Variants in KCNN2 observed in about 807,000 individuals in gnomAD.
KCNN2 encodes small conductance calcium-activated potassium channel protein 2.
KCNN2 carries 24 observed loss-of-function variants against 55.5 expected under a neutral mutation model. The ratio of observed to expected loss-of-function variants is 0.43; its 90% CI spans 0.31 to 0.61. The LOEUF is 0.61. KCNN2 is among the 20% of genes least tolerant of loss of function. The pLI, the probability that KCNN2 is intolerant of heterozygous loss-of-function variation, is 0.08. For synonymous variants in KCNN2, 431 were observed against 336.1 expected (o/e 1.28, Z -3.09); for missense variants, 754 against 853.6 (o/e 0.88, Z 1.45).
chr5:114,292,467 G>T (rs972786638), intron 2 of KCNN2, among the ~76,000 whole-genome samples: 1 of 152,154 alleles, frequency 6.6e-6, no homozygotes, highest in African/African-American at 2.4e-5. Flanking sequence ...CCCATTGCTT[G>T]TTTTTGCCAG....
chr5:114,095,768 G>A (rs1751242472), intron 1 of KCNN2, among the ~76,000 whole-genome samples: 3 of 152,080 alleles, frequency 2.0e-5, no homozygotes, highest in Non-Finnish European at 4.4e-5. Context: ...CCCTGCTGTA[G>A]TCTACTTGCC....
intron 3 of KCNN2, among the ~76,000 whole-genome samples, chr5:114,425,076 A>G (rs952096110): frequency 1.3e-5 from 2 of 152,228 alleles, no homozygotes; most frequent in Admixed American, 1.3e-4. Flanking sequence ...CTGTGAAATG[A>G]AAGATAAAGT....
Position 114,371,752 on chromosome 5 carries a change from T to C in KCNN2, c.1218+7751T>C, listed in dbSNP as rs1018212110. Among the ~76,000 whole-genome samples the C allele has an allele frequency of 4.6e-5, 7 of 152,294 alleles. No homozygotes were observed. The East Asian group carries it at 1.4e-3, about 29-fold the overall frequency. Reference sequence around the variant, plus strand: ...TTCTTTGAATATTCCTTCTCAGACATTGAATGTCCCTGATCACATCCTTCT... The same window carrying C: ...TTCTTTGAATATTCCTTCTCAGACACTGAATGTCCCTGATCACATCCTTCT... On this transcript the variant is annotated intron_variant, in intron 2 of 7. Transcript: ENST00000673685.
intron 2 of KCNN2, among the ~76,000 whole-genome samples, chr5:114,390,425 T>C (rs1432510234): frequency 2.0e-5 from 3 of 152,200 alleles, no homozygotes; most frequent in African/African-American, 7.2e-5. Flanking sequence ...ATCAGTGATG[T>C]CAGTCTTTGT....
rs910202750 is a variant in KCNN2, at chr5:114,381,064, G to A, written c.1218+17063G>A. On this transcript the variant is annotated intron_variant, in intron 2 of 7. Transcript: ENST00000673685. ...CAGCCCTCCTTGTTCCTTCTCCTTG[G>A]TTCACGAAAAGCTAATTAAGAATGT... Among the ~76,000 whole-genome samples the A allele has an allele frequency of 4.6e-5, 7 of 152,214 alleles. No individual in the cohort carries two copies. The East Asian group carries it at 1.2e-3, about 25-fold the overall frequency.
At chr5:114,391,321 T>TA (rs1424049869) in intron 2 of KCNN2, among the ~76,000 whole-genome samples, 1 of 152,174 alleles carries the variant, frequency 6.6e-6, no homozygotes, top group Non-Finnish European at 1.5e-5. Context: ...TGGTCACTTT[T>TA]ACTAGGGACA....
At chr5:114,270,460 A>G (rs1052673750) in intron 2 of KCNN2, among the ~76,000 whole-genome samples, 6 of 152,202 alleles carry the variant, frequency 3.9e-5, no homozygotes, top group African/African-American at 1.2e-4. Flanking sequence ...GAAATGCAAG[A>G]ATATGGTAAT....
intron 1 of KCNN2, among the ~76,000 whole-genome samples, chr5:114,141,770 C>T (rs1752286833): frequency 6.6e-6 from 1 of 152,192 alleles, no homozygotes. Context: ...GTTCCTGTTT[C>T]TCCACATCCT....
intron 1 of KCNN2, among the ~76,000 whole-genome samples, chr5:114,125,459 GC>G (rs1477087937): frequency 6.6e-6 from 1 of 152,132 alleles, no homozygotes; most frequent in Non-Finnish European, 1.5e-5. Context: ...AGGGAGTGTT[GC>G]TCCCATGTAT....
At chr5:114,361,964 G>T (rs1757434823), upstream of KCNN2, 1 of 153,192 alleles carries the variant, frequency 6.5e-6, no homozygotes, top group South Asian at 2.1e-4. Context: ...GTCCCCGCAG[G>T]TGATGTCATG....
At chr5:114,273,599 G>A (rs199969920) in intron 2 of KCNN2, among the ~76,000 whole-genome samples, 3 of 152,182 alleles carry the variant, frequency 2.0e-5, no homozygotes, top group East Asian at 3.9e-4. Flanking sequence ...TTTCTCTAAT[G>A]ACCAGTGATG....
At chr5:114,343,156 G>A (rs1434749054) in intron 2 of KCNN2, among the ~76,000 whole-genome samples, 2 of 152,156 alleles carry the variant, frequency 1.3e-5, no homozygotes, top group Non-Finnish European at 2.9e-5. Context: ...CTTTTGATAT[G>A]TAGTGGGTCA....
At chr5:114,167,822 CA>C (rs1223460153) in intron 1 of KCNN2, among the ~76,000 whole-genome samples, 1 of 152,122 alleles carries the variant, frequency 6.6e-6, no homozygotes, top group Non-Finnish European at 1.5e-5. Context: ...TGCCCATTTG[CA>C]GCCCATCCCA....
At chr5:114,244,603 T>TG (rs1754714845) in intron 2 of KCNN2, among the ~76,000 whole-genome samples, 1 of 119,342 alleles carries the variant, frequency 8.4e-6, no homozygotes, top group East Asian at 2.3e-4. Flanking sequence ...GGGGCGGGCA[T>TG]GGGGGGTTAT....
In KCNN2 at chr5:114,465,381, G is replaced by A. The variant is rs866707632; in HGVS notation, c.1779+2191G>A. On this transcript the variant is annotated intron_variant, in intron 4 of 7. Coordinates refer to ENST00000673685, the MANE Select transcript of KCNN2 (RefSeq NM_021614.4). ...TAATCCCAACACTTTGGGAGGCCGA[G>A]GCAGGTGGATCACCTGAGGTTGGGA... 9.2e-5 allele frequency among the ~76,000 whole-genome samples: 14 copies of A among 152,266 alleles called. No homozygotes were observed. In the East Asian group the frequency reaches 2.7e-3, roughly 29 times the overall value.
chr5:114,342,521 T>C (rs978620583), intron 2 of KCNN2, among the ~76,000 whole-genome samples: 1 of 152,192 alleles, frequency 6.6e-6, no homozygotes, highest in African/African-American at 2.4e-5. Context: ...TCATAGACTT[T>C]AGATCACCAA....
intron 5 of KCNN2, among the ~76,000 whole-genome samples, chr5:114,481,507 A>T (rs989410255): frequency 6.6e-6 from 1 of 152,220 alleles, no homozygotes; most frequent in Non-Finnish European, 1.5e-5. Context: ...CCATTAAACT[A>T]CCATTGCCAT....
intron 1 of KCNN2, among the ~76,000 whole-genome samples, chr5:114,164,109 A>G (rs1314151347): frequency 1.3e-5 from 2 of 152,212 alleles, no homozygotes; most frequent in African/African-American, 4.8e-5. Context: ...GGATTACAAA[A>G]GTATTCAAAA....
At chr5:114,090,574 T>G (rs1751119978) in intron 1 of KCNN2, among the ~76,000 whole-genome samples, 2 of 102,564 alleles carry the variant, frequency 1.9e-5, no homozygotes, top group South Asian at 3.4e-4. Context: ...TATATATATG[T>G]ATGTATATAT....
Sources: allele counts gnomAD v4.1 joint callset (sites outside exome capture counted in the v4.1 genomes callset), GRCh38; gene constraint gnomAD v4.1.1; transcripts MANE v1.5; gene names NCBI Gene and HGNC (gene_info 2026-07-23, HGNC 2026-07-21).